The following CELF4 variants were observed in gnomAD, a reference collection of about 807,000 sequenced individuals.
CELF4 encodes the protein CUGBP Elav-like family member 4.
CELF4 carries 18 observed loss-of-function variants against 59.9 expected under a neutral mutation model. The observed-to-expected ratio is 0.30, with a 90% CI of 0.21 to 0.45. The LOEUF is 0.45. CELF4 is among the 20% of genes least tolerant of loss of function. The pLI is 1.00. For missense variants in CELF4, 456 were observed against 689.0 expected, an observed-to-expected ratio of 0.66 and a Z score of 3.79; for synonymous variants, 261 against 267.1, an observed-to-expected ratio of 0.98 and a Z score of 0.22.
intron 1 of CELF4, among the ~76,000 whole-genome samples, chr18:37,490,248 C>T (rs2099896765): frequency 6.6e-6 from 1 of 152,076 alleles, no homozygotes; most frequent in Non-Finnish European, 1.5e-5. Flanking sequence ...GGAAGTCACA[C>T]CAAACTGAAA....
intron 1 of CELF4, among the ~76,000 whole-genome samples, chr18:37,493,566 G>T (rs1196418786): frequency 6.6e-6 from 1 of 152,200 alleles, no homozygotes; most frequent in Admixed American, 6.5e-5. Flanking sequence ...TGTGGGGGAG[G>T]TGGGCCATGG....
At chr18:37,485,651 C>G (rs1173003459) in intron 1 of CELF4, 44 bp from the exon 2 acceptor site, 1 of 1,292,612 alleles carries the variant, frequency 7.7e-7, no homozygotes, top group East Asian at 3.1e-5. Context: ...TGGGGCGCCC[C>G]CGGGCCCGCC....
intron 2 of CELF4, among the ~76,000 whole-genome samples, chr18:37,377,105 A>T (rs2098979511): frequency 1.3e-5 from 2 of 152,124 alleles, no homozygotes; most frequent in Middle Eastern, 3.2e-3. Flanking sequence ...AGTGGAAAGA[A>T]ATGGAGAAGG....
At chr18:37,561,602 T>G (rs9958968) in intron 1 of CELF4, among the ~76,000 whole-genome samples, 129,045 of 152,102 alleles carry the variant, frequency 0.85, 57,730 homozygotes, top group Non-Finnish European at 0.98. Context: ...GATCCACTGT[T>G]TATGTGAGTG....
intron 1 of CELF4, among the ~76,000 whole-genome samples, chr18:37,529,609 A>G (rs1169036316): frequency 6.6e-6 from 1 of 152,192 alleles, no homozygotes; most frequent in African/African-American, 2.4e-5. Context: ...GCCTTCCTAC[A>G]GCCAAGGGGA....
At chr18:37,536,404 T>C (rs768862406) in intron 1 of CELF4, among the ~76,000 whole-genome samples, 5 of 152,172 alleles carry the variant, frequency 3.3e-5, no homozygotes, top group Non-Finnish European at 7.3e-5. Flanking sequence ...CTCTCTTCTT[T>C]GTACTTTCCT....
chr18:37,303,769 C>A (rs2096229866), intron 3 of CELF4, among the ~76,000 whole-genome samples: 1 of 152,134 alleles, frequency 6.6e-6, no homozygotes, highest in Non-Finnish European at 1.5e-5. Context: ...TTCACAGGAC[C>A]CTCTGATGAG....
intron 2 of CELF4, among the ~76,000 whole-genome samples, chr18:37,339,114 A>C (rs79004500): frequency 0.014 from 2,086 of 152,306 alleles, 51 homozygotes; most frequent in African/African-American, 0.048. Flanking sequence ...TTATGATTGC[A>C]TTGATTTCCA....
chr18:37,278,090 G>T (rs78569750), intron 3 of CELF4, among the ~76,000 whole-genome samples: 5,133 of 151,904 alleles, frequency 0.034, 122 homozygotes, highest in Non-Finnish European at 0.055. Flanking sequence ...CCGGTTTTGG[G>T]TTTTTTTTGT....
intron 2 of CELF4, among the ~76,000 whole-genome samples, chr18:37,432,299 G>T (rs924203321): frequency 1.3e-5 from 2 of 152,260 alleles, no homozygotes; most frequent in African/African-American, 2.4e-5. Context: ...CCCGGAGACT[G>T]GTTTCCATCT....
At chr18:37,415,542 A>G (rs914895420) in intron 2 of CELF4, among the ~76,000 whole-genome samples, 8 of 152,224 alleles carry the variant, frequency 5.3e-5, no homozygotes, top group South Asian at 4.1e-4. Context: ...TTTCCCCCCA[A>G]TGATGGGAGA....
At chr18:37,269,126 A>C (rs1266234486) in intron 8 of CELF4, among the ~76,000 whole-genome samples, 1 of 152,106 alleles carries the variant, frequency 6.6e-6, no homozygotes, top group Non-Finnish European at 1.5e-5. Flanking sequence ...CCAGCCCATG[A>C]GCCTTAGACT....
Position 37,505,663 on chromosome 18 carries a change from G to A in CELF4, c.287-20056C>T, listed in dbSNP as rs78495580. Among the ~76,000 whole-genome samples, 489 of 152,250 alleles carry A rather than the reference G, an allele frequency of 3.2e-3. 20 individuals carry two copies. The East Asian group carries it at 0.059, about 18-fold the overall frequency. Reference sequence around the variant, plus strand: ...CAGGGTGGTTAGAGACATGGGCTTTGGCATCAGACAGACCTGGAATCCCAT... The same window carrying A: ...CAGGGTGGTTAGAGACATGGGCTTTAGCATCAGACAGACCTGGAATCCCAT... On this transcript the variant is annotated intron_variant, in intron 1 of 12. Transcript: ENST00000420428.
chr18:37,358,498 A>G (rs562414781), intron 2 of CELF4, among the ~76,000 whole-genome samples: 1 of 152,316 alleles, frequency 6.6e-6, no homozygotes, highest in South Asian at 2.1e-4. Flanking sequence ...TACAGAGGAT[A>G]AGACATTGTG....
intron 2 of CELF4, among the ~76,000 whole-genome samples, chr18:37,448,084 T>C (rs1381891912): frequency 6.6e-6 from 1 of 152,230 alleles, no homozygotes; most frequent in African/African-American, 2.4e-5. Context: ...TCTAGAGCCA[T>C]GAGGCAGTCG....
intron 2 of CELF4, among the ~76,000 whole-genome samples, chr18:37,364,077 G>T (rs2098744391): frequency 6.6e-6 from 1 of 152,198 alleles, no homozygotes; most frequent in Non-Finnish European, 1.5e-5. Flanking sequence ...TTTGTTCTAT[G>T]CAATACCTTG....
intron 2 of CELF4, among the ~76,000 whole-genome samples, chr18:37,406,614 C>A (rs1337322372): frequency 6.6e-6 from 1 of 152,152 alleles, no homozygotes; most frequent in African/African-American, 2.4e-5. Flanking sequence ...ATATACCTGA[C>A]CCATTTGTTA....
intron 2 of CELF4, among the ~76,000 whole-genome samples, chr18:37,445,677 G>A (rs781184561): frequency 1.3e-4 from 20 of 152,176 alleles, no homozygotes; most frequent in Non-Finnish European, 2.5e-4. Context: ...GCAGAGGGAC[G>A]GGACAGTTGG....
At chr18:37,327,692 G>A (rs182517566) in intron 2 of CELF4, among the ~76,000 whole-genome samples, 1 of 152,310 alleles carries the variant, frequency 6.6e-6, no homozygotes, top group Admixed American at 6.5e-5. Context: ...GTCCACTCCT[G>A]CACTCATCCT....
Sources: gnomAD v4.1 joint callset for allele counts (sites outside exome capture counted in the v4.1 genomes callset) on GRCh38, gnomAD v4.1.1 for gene constraint, MANE v1.5 for transcripts, NCBI Gene and HGNC (gene_info 2026-07-23, HGNC 2026-07-21) for gene names.